EXT1: variants seen among roughly 807,000 people sequenced by gnomAD.
The protein encoded by EXT1 is exostosin glycosyltransferase 1.
Under a neutral mutation model 82.5 loss-of-function variants are expected in EXT1, and 20 were observed. That is an observed-to-expected ratio of 0.24 (90% confidence interval 0.17 to 0.35). EXT1 has a LOEUF of 0.35. Among genes scored for constraint, EXT1 ranks in the 10% least tolerant of loss-of-function variants. The pLI, the probability that EXT1 is intolerant of heterozygous loss-of-function variation, is 1.00. For synonymous variants in EXT1, 348 were observed against 350.8 expected, an observed-to-expected ratio of 0.99 and a Z score of 0.09; for missense variants, 757 against 936.5, an observed-to-expected ratio of 0.81 and a Z score of 2.50.
Position 117,799,491 on chromosome 8 carries a change from G to C in EXT1, c.*221C>G. On this transcript the variant is annotated 3_prime_UTR_variant, in exon 11 of 11. Coordinates refer to ENST00000378204, the MANE Select transcript of EXT1 (RefSeq NM_000127.3). ...TTAAACTGTACACAACCTAGTCTTG[G>C]GACACAGAAGCCAGTGAGGTGAGTT... 1.7e-6 allele frequency: 1 copy of C among 588,220 alleles called. No individual in the cohort carries two copies. Among genetic ancestry groups the C allele is most frequent in the South Asian group, 2.0e-5 (1 of 49,410 alleles). 36.4% of individuals were successfully genotyped at this position (588,220 alleles called of 1,614,324 possible).
intron 1 of EXT1, among the ~76,000 whole-genome samples, chr8:117,973,933 G>GGAAGGAAGGAAGGAAGGAAGGAAT (rs1815011961): frequency 1.0e-5 from 1 of 100,272 alleles, no homozygotes; most frequent in Non-Finnish European, 2.0e-5. Flanking sequence ...CAGAAAGCAA[G>GGAAGGAAGGAAGGAAGGAAGGAAT]GAAGGAAGGA....
intron 6 of EXT1, 69 bp downstream of exon 6, chr8:117,819,607 G>A: frequency 7.4e-7 from 1 of 1,346,124 alleles, no homozygotes; most frequent in Non-Finnish European, 1.1e-6. Context: ...GGGATAACAG[G>A]TAAGGAGGGC....
At chr8:117,892,131 A>C (rs1181011206) in intron 1 of EXT1, among the ~76,000 whole-genome samples, 1 of 152,072 alleles carries the variant, frequency 6.6e-6, no homozygotes, top group African/African-American at 2.4e-5. Flanking sequence ...GCACCAGTCC[A>C]CTGATGGTAG....
chr8:118,074,181 A>T (rs1438210132), intron 1 of EXT1, among the ~76,000 whole-genome samples: 1 of 152,128 alleles, frequency 6.6e-6, no homozygotes, highest in African/African-American at 2.4e-5. Flanking sequence ...AGGATGGGAG[A>T]TGATCTAAGC....
intron 1 of EXT1, among the ~76,000 whole-genome samples, chr8:117,904,407 T>G (rs1331789878): frequency 6.6e-6 from 1 of 152,216 alleles, no homozygotes; most frequent in Non-Finnish European, 1.5e-5. Context: ...TATAAGGAAG[T>G]CTACCATTTA....
At chr8:117,875,232 C>A (rs539239360) in intron 1 of EXT1, among the ~76,000 whole-genome samples, 2 of 151,918 alleles carry the variant, frequency 1.3e-5, no homozygotes, top group Non-Finnish European at 2.9e-5. Context: ...GCCTGACCAA[C>A]GTGCTGAAAC....
chr8:117,857,751 A>G (rs1812591504), intron 1 of EXT1, among the ~76,000 whole-genome samples: 1 of 152,250 alleles, frequency 6.6e-6, no homozygotes, highest in Non-Finnish European at 1.5e-5. Context: ...TATTTTAAAA[A>G]TACATTTTAT....
At chr8:117,803,550 T>C (rs1015387869) in intron 10 of EXT1, among the ~76,000 whole-genome samples, 5 of 152,054 alleles carry the variant, frequency 3.3e-5, no homozygotes, top group African/African-American at 7.2e-5. Context: ...TGAATAAAGA[T>C]AGATGAAATT....
chr8:118,059,678 A>G (rs1586369402), intron 1 of EXT1, among the ~76,000 whole-genome samples: 1 of 152,204 alleles, frequency 6.6e-6, no homozygotes, highest in African/African-American at 2.4e-5. Context: ...CTACGCAAGA[A>G]CTTCTGGTGA....
Position 117,972,948 on chromosome 8 carries a change from T to A in EXT1, c.963-135747A>T, listed in dbSNP as rs757678646. Among the ~76,000 whole-genome samples, 72 of 152,270 alleles carry A rather than the reference T, an allele frequency of 4.7e-4. 1 individual carries two copies. The highest frequency in any genetic ancestry group is 6.8e-3 in the Middle Eastern group (2 of 294). On this transcript the variant is annotated intron_variant, in intron 1 of 10. Coordinates refer to ENST00000378204, the MANE Select transcript of EXT1 (RefSeq NM_000127.3). ...GGGATTATGGGAACTAAAATTCAGA[T>A]GAGATTTCGGTGGGGACACTGCCAA...
rs140637191 is a variant in EXT1, at chr8:118,040,236, G to A, written c.962+69849C>T. 3.0e-3 allele frequency among the ~76,000 whole-genome samples: 464 copies of A among 152,184 alleles called. 2 individuals carry two copies. Among genetic ancestry groups the A allele is most frequent in the African/African-American group, 0.01 (421 of 41,506 alleles). On this transcript the variant is annotated intron_variant, in intron 1 of 10. Transcript: ENST00000378204. Reference sequence around the variant, plus strand: ...CCACAGATTCATACTAACGCCTTTTGCAATTCTCTCTTCCTCTGTCTTTGT... The same window carrying A: ...CCACAGATTCATACTAACGCCTTTTACAATTCTCTCTTCCTCTGTCTTTGT...
At chr8:117,821,843 A>T (rs888915725) in intron 5 of EXT1, among the ~76,000 whole-genome samples, 4 of 152,224 alleles carry the variant, frequency 2.6e-5, no homozygotes. Flanking sequence ...GTCTAAGGCA[A>T]TAACAGTAGC....
chr8:117,875,712 G>C (rs1812957640), intron 1 of EXT1, among the ~76,000 whole-genome samples: 1 of 152,078 alleles, frequency 6.6e-6, no homozygotes, highest in Admixed American at 6.6e-5. Context: ...CATCTTTGGG[G>C]AGAGGAGTTG....
chr8:118,009,216 G>A lies in EXT1; in HGVS notation c.962+100869C>T, dbSNP rs554722343. On this transcript the variant is annotated intron_variant, in intron 1 of 10. Transcript: ENST00000378204. The stretch of plus-strand genomic sequence containing the variant: ...TGAGCTACACTGGGAATGTGAGCAC[G>A]CCTCCCAGACTAACATTCTCCTCTG... 9.5e-4 allele frequency among the ~76,000 whole-genome samples: 145 copies of A among 152,304 alleles called. 1 individual carries two copies. The highest frequency in any genetic ancestry group is 2.7e-3 in the African/African-American group (114 of 41,562).
chr8:117,935,169 A>G (rs1046081469), intron 1 of EXT1, among the ~76,000 whole-genome samples: 1 of 152,010 alleles, frequency 6.6e-6, no homozygotes, highest in African/African-American at 2.4e-5. Flanking sequence ...CCTACTACCC[A>G]TCCTGGGCTC....
intron 1 of EXT1, among the ~76,000 whole-genome samples, chr8:118,062,336 T>C (rs772147538): frequency 7.9e-5 from 12 of 152,210 alleles, no homozygotes; most frequent in Non-Finnish European, 1.6e-4. Flanking sequence ...GAAAATGTTG[T>C]ATCCTAGTGA....
chr8:117,913,146 C>T (rs547008560), intron 1 of EXT1, among the ~76,000 whole-genome samples: 6 of 152,194 alleles, frequency 3.9e-5, no homozygotes, highest in East Asian at 1.9e-4. Context: ...CGCTTGAACC[C>T]GGGAGGTGGA....
chr8:117,833,840 T>C (rs879715829), intron 3 of EXT1, among the ~76,000 whole-genome samples: 3 of 152,190 alleles, frequency 2.0e-5, no homozygotes, highest in Non-Finnish European at 4.4e-5. Context: ...AAAGGCTACA[T>C]GGACAAGCAC....
intron 1 of EXT1, among the ~76,000 whole-genome samples, chr8:118,009,344 T>C (rs1301137531): frequency 6.6e-6 from 1 of 152,206 alleles, no homozygotes; most frequent in Non-Finnish European, 1.5e-5. Context: ...ACAAAAACTA[T>C]GCCAGGTCAC....
Sources: gnomAD v4.1 joint callset for allele counts (sites outside exome capture counted in the v4.1 genomes callset) on GRCh38, gnomAD v4.1.1 for gene constraint, MANE v1.5 for transcripts, NCBI Gene and HGNC (gene_info 2026-07-23, HGNC 2026-07-21) for gene names.